The following INPP4B variants were observed in gnomAD, a reference collection of about 807,000 sequenced individuals.
The protein encoded by INPP4B is inositol polyphosphate-4-phosphatase type II B.
In INPP4B, 55 loss-of-function variants were observed where a neutral mutation model predicts 122.5. The ratio of observed to expected loss-of-function variants is 0.45; its 90% CI spans 0.36 to 0.56. The LOEUF (loss-of-function observed/expected upper bound fraction) is 0.56. Among genes scored for constraint, INPP4B ranks in the 20% least tolerant of loss-of-function variants. The pLI, the probability that INPP4B is intolerant of heterozygous loss-of-function variation, is 0.00. For synonymous variants in INPP4B, 403 were observed against 388.7 expected (o/e 1.04, Z -0.43); for missense variants, 1,000 against 1,097.7 (o/e 0.91, Z 1.26).
At chr4:142,290,138 G>A (rs866594045) in intron 9 of INPP4B, among the ~76,000 whole-genome samples, 26 of 149,194 alleles carry the variant, frequency 1.7e-4, no homozygotes, top group Non-Finnish European at 3.1e-4. Flanking sequence ...GGGCACAGTG[G>A]CTTTCATTTC....
At position 142,751,211 on chromosome 4, in the gene INPP4B, G is replaced by A. The variant is rs140601046; in HGVS notation, c.-253-25310C>T. Among the ~76,000 whole-genome samples the A allele has an allele frequency of 8.5e-3, 1,213 of 143,218 alleles. 8 individuals are homozygous for A. Among genetic ancestry groups the A allele is most frequent in the Non-Finnish European group, 0.012 (802 of 66,282 alleles). The allele number at this position is 143,218 out of a possible 152,430, so 94.0% of individuals were successfully genotyped here. On this transcript the variant is annotated intron_variant, in intron 1 of 25. Transcript: ENST00000262992. ...AGTGAGCTCTAAGAATAGTATAAATGAATTAATGGGCAAACAGAAAGTTTT... is the reference window on the plus strand; with the variant it reads ...AGTGAGCTCTAAGAATAGTATAAATAAATTAATGGGCAAACAGAAAGTTTT...
At chr4:142,057,210 T>C (rs1360690505) in intron 25 of INPP4B, among the ~76,000 whole-genome samples, 2 of 150,752 alleles carry the variant, frequency 1.3e-5, no homozygotes, top group African/African-American at 4.9e-5. Context: ...ACATTTCACA[T>C]GATCTTTTGT....
intron 2 of INPP4B, among the ~76,000 whole-genome samples, chr4:142,566,443 T>C (rs1352135403): frequency 6.6e-6 from 1 of 152,170 alleles, no homozygotes; most frequent in Non-Finnish European, 1.5e-5. Context: ...CACCTGGGTG[T>C]CTATGCAGAA....
At chr4:142,038,024 C>G (rs1380134027) in intron 25 of INPP4B, among the ~76,000 whole-genome samples, 1 of 152,100 alleles carries the variant, frequency 6.6e-6, no homozygotes, top group Non-Finnish European at 1.5e-5. Context: ...TTGCTTATAT[C>G]ATAGTCTGAT....
rs1315203071 is a variant in INPP4B, at chr4:142,513,472, G to A, written c.-190-50746C>T. Among the ~76,000 whole-genome samples, 5 of 151,852 alleles carry A rather than the reference G, an allele frequency of 3.3e-5. No homozygotes were observed. In the East Asian group the frequency reaches 9.7e-4, roughly 29 times the overall value. On this transcript the variant is annotated intron_variant, in intron 2 of 25. Coordinates refer to ENST00000262992, the MANE Select transcript of INPP4B (RefSeq NM_001101669.3). ...CCCCAGGCTGGAGTGTGATGGCACAGTCTCGGCTCACTGCAACCTCCACCT... is the reference window on the plus strand; with the variant it reads ...CCCCAGGCTGGAGTGTGATGGCACAATCTCGGCTCACTGCAACCTCCACCT...
chr4:142,512,903 G>GTA (rs1560741467), intron 2 of INPP4B, among the ~76,000 whole-genome samples: 1 of 152,030 alleles, frequency 6.6e-6, no homozygotes, highest in Non-Finnish European at 1.5e-5. Flanking sequence ...CACCACCACG[G>GTA]TAACTATATT....
intron 1 of INPP4B, among the ~76,000 whole-genome samples, chr4:142,797,427 A>T (rs1777402447): frequency 6.6e-6 from 1 of 152,040 alleles, no homozygotes; most frequent in Non-Finnish European, 1.5e-5. Flanking sequence ...GATAAAGTCA[A>T]AGAATTTTCC....
intron 15 of INPP4B, among the ~76,000 whole-genome samples, chr4:142,177,838 T>C (rs773484094): frequency 6.6e-6 from 1 of 152,150 alleles, no homozygotes; most frequent in Non-Finnish European, 1.5e-5. Flanking sequence ...CAAAATACAA[T>C]TAAAACAAGG....
Position 142,347,309 on chromosome 4 carries a change from GA to G in INPP4B, c.373-32548del, listed in dbSNP as rs1431532872. The G allele has an allele frequency of 5.9e-4, 112 of 188,896 alleles. 1 individual carries two copies. Among genetic ancestry groups the G allele is most frequent in the African/African-American group, 2.6e-3 (110 of 41,844 alleles). The allele number at this position is 188,896 out of a possible 1,614,324, so 11.7% of individuals were successfully genotyped here. On this transcript the variant is annotated intron_variant, in intron 7 of 25. Transcript: ENST00000262992. ...ATTCTTCAACCAACCTCTTAATAGG[GA>G]TAACATAAAAAAAGTCTGAGGAGTG... is the stretch of plus-strand genomic sequence containing the variant.
chr4:142,355,980 A>G (rs898517436), intron 7 of INPP4B, among the ~76,000 whole-genome samples: 1 of 151,462 alleles, frequency 6.6e-6, no homozygotes, highest in African/African-American at 2.4e-5. Context: ...AATGCCACAT[A>G]CTCCAATAGA....
At chr4:142,543,870 G>GA (rs1416514093) in intron 2 of INPP4B, among the ~76,000 whole-genome samples, 1 of 152,058 alleles carries the variant, frequency 6.6e-6, no homozygotes, top group Non-Finnish European at 1.5e-5. Flanking sequence ...AGATACTAAT[G>GA]AAAAGAGATA....
Position 142,796,362 on chromosome 4 carries a change from G to T in INPP4B, c.-254+49847C>A, listed in dbSNP as rs1452519671. 1.4e-4 allele frequency among the ~76,000 whole-genome samples: 21 copies of T among 152,080 alleles called. No individual in the cohort carries two copies. In the East Asian group the frequency reaches 2.9e-3, roughly 21 times the overall value. Reference sequence around the variant, plus strand: ...GAAAAATATATTAAAAGAATCGAGGGTTCGGCAGTCAAATTATTAAATTCT... The same window carrying T: ...GAAAAATATATTAAAAGAATCGAGGTTTCGGCAGTCAAATTATTAAATTCT... On this transcript the variant is annotated intron_variant, in intron 1 of 25. Coordinates refer to ENST00000262992, the MANE Select transcript of INPP4B (RefSeq NM_001101669.3).
rs1820319904 is a variant in INPP4B, at chr4:142,480,038, C to CT, written c.-190-17313dup. 2.6e-5 allele frequency among the ~76,000 whole-genome samples: 4 copies of CT among 152,132 alleles called. No homozygotes were observed. In the South Asian group the frequency reaches 8.3e-4, roughly 32 times the overall value. On this transcript the variant is annotated intron_variant, in intron 2 of 25. Coordinates refer to ENST00000262992, the MANE Select transcript of INPP4B (RefSeq NM_001101669.3). ...CAGTTGAAATCAAAATAGACTATCACTAGTTATCCTTCTGATTGTCACTCC... is the reference window on the plus strand; with the variant it reads ...CAGTTGAAATCAAAATAGACTATCACTTAGTTATCCTTCTGATTGTCACTCC...
intron 1 of INPP4B, among the ~76,000 whole-genome samples, chr4:142,727,719 A>G (rs1254763657): frequency 6.6e-6 from 1 of 152,142 alleles, no homozygotes; most frequent in South Asian, 2.1e-4. Flanking sequence ...TGTCTCTACA[A>G]AAACAAAAAT....
At chr4:142,078,236 T>G (rs1474442534) in intron 25 of INPP4B, among the ~76,000 whole-genome samples, 1 of 151,998 alleles carries the variant, frequency 6.6e-6, no homozygotes, top group Non-Finnish European at 1.5e-5. Flanking sequence ...TGGATTCAGG[T>G]GGTGAGCTGA....
intron 10 of INPP4B, among the ~76,000 whole-genome samples, chr4:142,266,529 A>G (rs1742910675): frequency 6.6e-6 from 1 of 152,214 alleles, no homozygotes; most frequent in Non-Finnish European, 1.5e-5. Context: ...TCCATGCAGC[A>G]GTTTCCTGGG....
intron 7 of INPP4B, chr4:142,347,677 T>C (rs1314551660): frequency 1.3e-5 from 4 of 318,036 alleles, no homozygotes; most frequent in Non-Finnish European, 2.4e-5. Context: ...GAGTAAATAA[T>C]TTCTATGTAA....
chr4:142,807,323 G>A (rs1778986616), intron 1 of INPP4B, among the ~76,000 whole-genome samples: 2 of 152,158 alleles, frequency 1.3e-5, no homozygotes, highest in South Asian at 4.1e-4. Flanking sequence ...TAGAGAAGAG[G>A]AACATTCCAG....
rs61694410 is a variant in INPP4B, at chr4:142,263,680, A to ATATATATATATATATATATG, written c.616-3117_616-3116insCATATATATATATATATATA. Among the ~76,000 whole-genome samples the ATATATATATATATATATATG allele has an allele frequency of 1.5e-3, 120 of 81,960 alleles. 30 individuals carry two copies. Among genetic ancestry groups the ATATATATATATATATATATG allele is most frequent in the East Asian group, 5.7e-3 (11 of 1,930 alleles). The allele number at this position is 81,960 out of a possible 152,430, so 53.8% of individuals were successfully genotyped here. A position where few individuals can be genotyped will look rare whatever the true frequency, so the allele number is the denominator to read the frequency against. On this transcript the variant is annotated intron_variant, in intron 10 of 25. Transcript: ENST00000262992. ...TATATATATATATATATATATATATAACATTGAACAATGACAAGTACTAAT... is the reference window on the plus strand; with the variant it reads ...TATATATATATATATATATATATATATATATATATATATATATATGACATTGAACAATGACAAGTACTAAT...
Sources: gnomAD v4.1 joint callset for allele counts (sites outside exome capture counted in the v4.1 genomes callset) on GRCh38, gnomAD v4.1.1 for gene constraint, MANE v1.5 for transcripts, NCBI Gene and HGNC (gene_info 2026-07-23, HGNC 2026-07-21) for gene names.